Variants in MACROD2 observed in about 807,000 individuals in gnomAD.
MACROD2 encodes the protein ADP-ribose glycohydrolase MACROD2.
Under a neutral mutation model 70.4 loss-of-function variants are expected in MACROD2, and 36 were observed. That is an observed-to-expected ratio of 0.51 (90% CI 0.39 to 0.68). The LOEUF is 0.68. Ranked by LOEUF, MACROD2 falls within the 30% of genes least tolerant of loss-of-function variation. The pLI, the probability that MACROD2 is intolerant of heterozygous loss-of-function variation, is 0.00. For synonymous variants in MACROD2, 172 were observed against 178.8 expected, an observed-to-expected ratio of 0.96 and a Z score of 0.30; for missense variants, 496 against 538.4, an observed-to-expected ratio of 0.92 and a Z score of 0.78.
intron 5 of MACROD2, among the ~76,000 whole-genome samples, chr20:14,918,504 T>C (rs1487340694): frequency 2.0e-5 from 3 of 152,176 alleles, no homozygotes; most frequent in Admixed American, 6.5e-5. Context: ...GGTTTGCATG[T>C]AGGTCAGCTG....
chr20:14,811,235 C>T (rs1035968708), intron 5 of MACROD2, among the ~76,000 whole-genome samples: 5 of 152,044 alleles, frequency 3.3e-5, no homozygotes, highest in African/African-American at 1.2e-4. Context: ...GGTACCAAAA[C>T]AGATATATAG....
intron 8 of MACROD2, among the ~76,000 whole-genome samples, chr20:15,573,202 C>T (rs539199309): frequency 6.6e-6 from 1 of 152,088 alleles, no homozygotes; most frequent in African/African-American, 2.4e-5. Flanking sequence ...TTTCCCATGT[C>T]GTTTTAAACC....
intron 6 of MACROD2, among the ~76,000 whole-genome samples, chr20:15,286,194 A>G (rs1568693326): frequency 6.6e-6 from 1 of 152,192 alleles, no homozygotes; most frequent in African/African-American, 2.4e-5. Flanking sequence ...AGGAGATTAT[A>G]TGAGTGTTGT....
chr20:15,365,305 C>T (rs1450461334), intron 6 of MACROD2, among the ~76,000 whole-genome samples: 4 of 152,080 alleles, frequency 2.6e-5, no homozygotes, highest in Non-Finnish European at 4.4e-5. Flanking sequence ...TCTTGTTCTT[C>T]GTTCAGTAAG....
At chr20:14,312,570 A>G (rs531545229) in intron 3 of MACROD2, among the ~76,000 whole-genome samples, 305 of 152,308 alleles carry the variant, frequency 2.0e-3, no homozygotes, top group African/African-American at 6.7e-3. Context: ...ATTTGCCCAG[A>G]GCCAAATAAG....
intron 3 of MACROD2, among the ~76,000 whole-genome samples, chr20:14,248,814 A>G (rs542765026): frequency 5.5e-4 from 84 of 152,136 alleles, no homozygotes; most frequent in East Asian, 2.5e-3. Flanking sequence ...ATTGGCATAT[A>G]ATTTTTTTTT....
At chr20:14,605,300 C>T (rs2123414638) in intron 4 of MACROD2, among the ~76,000 whole-genome samples, 1 of 152,166 alleles carries the variant, frequency 6.6e-6, no homozygotes. Flanking sequence ...ATGCTGGTCC[C>T]CTTGCTCCTG....
rs545260296 is a variant in MACROD2, at chr20:15,955,280, CA to C, written c.908-12272del. On this transcript the variant is annotated intron_variant, in intron 12 of 17. Coordinates refer to ENST00000684519, the MANE Select transcript of MACROD2 (RefSeq NM_001351661.2). ...CACTCATTAATTCGTTGCTGACACACAGTCCTGATTATGGAGGACTCTGAAT... is the reference window on the plus strand; with the variant it reads ...CACTCATTAATTCGTTGCTGACACACGTCCTGATTATGGAGGACTCTGAAT... Among the ~76,000 whole-genome samples, 4 of 152,314 alleles carry C rather than the reference CA, an allele frequency of 2.6e-5. No individual in the cohort carries two copies. In the South Asian group the frequency reaches 8.3e-4, roughly 32 times the overall value.
intron 9 of MACROD2, among the ~76,000 whole-genome samples, chr20:15,871,175 C>CAA (rs58775689): frequency 0.13 from 14,928 of 113,828 alleles, 1,221 homozygotes; most frequent in East Asian, 0.37. Context: ...GACTCCATCT[C>CAA]AAAAAAAAAA....
At chr20:14,483,053 A>C (rs188462747) in intron 3 of MACROD2, among the ~76,000 whole-genome samples, 112 of 152,356 alleles carry the variant, frequency 7.4e-4, no homozygotes, top group Non-Finnish European at 9.4e-4. Context: ...CTGGCATCTA[A>C]CAAAAATGAT....
intron 3 of MACROD2, among the ~76,000 whole-genome samples, chr20:14,320,205 A>G (rs183135018): frequency 3.5e-4 from 53 of 152,206 alleles, no homozygotes; most frequent in Non-Finnish European, 6.3e-4. Context: ...CCAACATTCT[A>G]CTTACCTGTG....
At chr20:14,462,030 G>T (rs2084378897) in intron 3 of MACROD2, among the ~76,000 whole-genome samples, 1 of 151,884 alleles carries the variant, frequency 6.6e-6, no homozygotes, top group Non-Finnish European at 1.5e-5. Context: ...ACCCAGTAAT[G>T]AGCATGGAAT....
intron 5 of MACROD2, among the ~76,000 whole-genome samples, chr20:14,854,641 A>C (rs1331058801): frequency 6.6e-6 from 1 of 152,202 alleles, no homozygotes; most frequent in Non-Finnish European, 1.5e-5. Context: ...TGTCACTCAA[A>C]AGTAAACATC....
intron 3 of MACROD2, among the ~76,000 whole-genome samples, chr20:14,422,202 A>T (rs1353822548): frequency 1.3e-5 from 2 of 152,136 alleles, no homozygotes; most frequent in East Asian, 3.9e-4. Flanking sequence ...TATTTTGTCT[A>T]ATAATAGTAT....
intron 6 of MACROD2, among the ~76,000 whole-genome samples, chr20:15,353,033 C>G (rs922518876): frequency 6.6e-6 from 1 of 151,960 alleles, no homozygotes; most frequent in East Asian, 1.9e-4. Context: ...AAAAAAGAGC[C>G]CGCATTGCCA....
intron 9 of MACROD2, among the ~76,000 whole-genome samples, chr20:15,883,526 T>C (rs1046742396): frequency 1.3e-5 from 2 of 152,112 alleles, no homozygotes; most frequent in African/African-American, 2.4e-5. Flanking sequence ...ACCATAGTTA[T>C]CAAGAATTGC....
chr20:15,630,836 G>C (rs556267511), intron 8 of MACROD2, among the ~76,000 whole-genome samples: 1 of 152,288 alleles, frequency 6.6e-6, no homozygotes, highest in South Asian at 2.1e-4. Context: ...CTCAGCCTTG[G>C]TGTGAAGCCT....
chr20:15,522,420 A>T (rs2047665429), intron 8 of MACROD2, among the ~76,000 whole-genome samples: 1 of 152,242 alleles, frequency 6.6e-6, no homozygotes, highest in East Asian at 1.9e-4. Context: ...AATCACACCA[A>T]ATCACTAGTA....
chr20:15,268,229 G>A lies in MACROD2; in HGVS notation c.540+38168G>A, dbSNP rs531761258. On this transcript the variant is annotated intron_variant, in intron 6 of 17. Transcript: ENST00000684519. ...AGAACAGGTGTTCAAGATTAGTGCA[G>A]GATTTCAGAAATTGTAGCAGAGAAA... Among the ~76,000 whole-genome samples, 11 of 152,226 alleles carry A rather than the reference G, an allele frequency of 7.2e-5. No homozygotes were observed. The South Asian group carries it at 1.7e-3, about 23-fold the overall frequency.
Sources: allele counts gnomAD v4.1 joint callset (sites outside exome capture counted in the v4.1 genomes callset), GRCh38; gene constraint gnomAD v4.1.1; transcripts MANE v1.5; gene names NCBI Gene and HGNC (gene_info 2026-07-23, HGNC 2026-07-21).